Variants in C6 observed in about 807,000 individuals in gnomAD.
C6 encodes the protein complement component C6.
C6 carries 101 observed loss-of-function variants against 112.9 expected under a neutral mutation model. The observed-to-expected ratio is 0.89, with a 90% confidence interval of 0.76 to 1.06. The LOEUF is 1.06. C6 is among the 50% of genes least tolerant of loss of function. C6 has a pLI of 0.00. For missense variants in C6, 1,202 were observed against 1,104.6 expected (o/e 1.09, Z -1.25); for synonymous variants, 431 against 384.1 (o/e 1.12, Z -1.43).
chr5:41,218,762 G>C (rs1315027218), intron 1 of C6, among the ~76,000 whole-genome samples: 1 of 152,126 alleles, frequency 6.6e-6, no homozygotes, highest in Admixed American at 6.6e-5. Flanking sequence ...ACAGTGTGAA[G>C]CTTGCTTAAG....
chr5:41,210,695 C>G (rs938059053), intron 1 of C6, among the ~76,000 whole-genome samples: 3 of 152,172 alleles, frequency 2.0e-5, no homozygotes, highest in Non-Finnish European at 4.4e-5. Flanking sequence ...GAGATACCAT[C>G]TCACACCAGT....
chr5:41,203,380 T>A, intron 1 of C6, 130 bp from the exon 2 acceptor site: 1 of 829,796 alleles, frequency 1.2e-6, no homozygotes, highest in Non-Finnish European at 1.9e-6. Context: ...TTAAGGCAAG[T>A]CAACACCTAC....
intron 16 of C6, 132 bp from the exon 17 acceptor site, chr5:41,149,614 G>C: frequency 8.8e-7 from 1 of 1,135,900 alleles, no homozygotes; most frequent in East Asian, 2.4e-5. Flanking sequence ...TCCAAGCCCT[G>C]GGCTTGAGTG....
At chr5:41,155,136 T>TA in intron 13 of C6, 32 bp from the exon 14 acceptor site, 1 of 1,592,934 alleles carries the variant, frequency 6.3e-7, no homozygotes, top group African/African-American at 1.3e-5. Flanking sequence ...AAATTATTAA[T>TA]GCTATGAATA....
In C6 at chr5:41,152,985, T is replaced by C. The variant is rs570732151; in HGVS notation, c.2290+825A>G. On this transcript the variant is annotated intron_variant, in intron 15 of 17. Coordinates refer to ENST00000337836, the MANE Select transcript of C6 (RefSeq NM_000065.5). ...GGAGCAACAAATACTCCACAGTCTG[T>C]AAAGTGCTCAGGGCAAGAGGATCCT... is the stretch of plus-strand genomic sequence containing the variant. 8 of 152,296 alleles carry C rather than the reference T, an allele frequency of 5.3e-5. No individual in the cohort carries two copies. The South Asian group carries it at 1.5e-3, about 28-fold the overall frequency. The allele number at this position is 152,296 out of a possible 1,614,324, so 9.4% of individuals were successfully genotyped here.
intron 1 of C6, among the ~76,000 whole-genome samples, chr5:41,239,111 C>CTTTTTTTTTTTTTT (rs34322889): frequency 2.5e-5 from 3 of 121,674 alleles, no homozygotes; most frequent in Admixed American, 9.1e-5. Flanking sequence ...TCTTTTCTTT[C>CTTTTTTTTTTTTTT]TTTTTTTTTT....
At chr5:41,157,695 A>C (rs1267805426) in intron 13 of C6, among the ~76,000 whole-genome samples, 2 of 152,162 alleles carry the variant, frequency 1.3e-5, no homozygotes, top group Non-Finnish European at 2.9e-5. Context: ...ATGTATTAGC[A>C]ATGGATATTT....
At chr5:41,195,359 C>T (rs1171786990) in intron 5 of C6, among the ~76,000 whole-genome samples, 1 of 152,156 alleles carries the variant, frequency 6.6e-6, no homozygotes, top group Non-Finnish European at 1.5e-5. Context: ...TTTCAACCCA[C>T]CCATAGGCAT....
intron 1 of C6, among the ~76,000 whole-genome samples, chr5:41,210,111 T>G (rs112167136): frequency 1.3e-5 from 2 of 152,042 alleles, no homozygotes; most frequent in African/African-American, 4.8e-5. Context: ...AAACAAGCAA[T>G]GGGGAAAGGA....
intron 2 of C6, 83 bp downstream of exon 2, chr5:41,203,005 C>G: frequency 7.8e-7 from 1 of 1,277,434 alleles, no homozygotes; most frequent in South Asian, 1.2e-5. Context: ...GTTCCCATTG[C>G]TTAGTGTTGC....
At position 41,260,305 on chromosome 5, in the gene C6, C is replaced by T. The variant is rs74748597; in HGVS notation, c.-21+889G>A. Among the ~76,000 whole-genome samples the T allele has an allele frequency of 7.7e-4, 117 of 152,056 alleles. 4 individuals carry two copies. The East Asian group carries it at 0.021, about 27-fold the overall frequency. On this transcript the variant is annotated intron_variant, in intron 1 of 17. Coordinates refer to the C6 transcript ENST00000263413. ...ACACGCCAGCTTTGTGACTTAGTTA[C>T]ATAACTTTCTTCAGAAAAAGGACAT... is the stretch of plus-strand genomic sequence containing the variant.
At chr5:41,254,400 C>T (rs1741554077) in intron 1 of C6, among the ~76,000 whole-genome samples, 1 of 151,906 alleles carries the variant, frequency 6.6e-6, no homozygotes, top group African/African-American at 2.4e-5. Context: ...AGCAAGACTC[C>T]ATCTCAAAAA....
chr5:41,152,042 A>G (rs1369161261), intron 15 of C6, among the ~76,000 whole-genome samples: 1 of 152,016 alleles, frequency 6.6e-6, no homozygotes, highest in Non-Finnish European at 1.5e-5. Flanking sequence ...GGAAGGAAGA[A>G]GGTGGAGGAG....
At chr5:41,240,496 A>T (rs1740634721) in intron 1 of C6, among the ~76,000 whole-genome samples, 1 of 152,166 alleles carries the variant, frequency 6.6e-6, no homozygotes, top group South Asian at 2.1e-4. Flanking sequence ...TTGGGCTTTC[A>T]GGCAGCATTC....
At chr5:41,250,281 A>G (rs765068700) in intron 1 of C6, among the ~76,000 whole-genome samples, 1 of 152,180 alleles carries the variant, frequency 6.6e-6, no homozygotes, top group Non-Finnish European at 1.5e-5. Flanking sequence ...CGGAATTTGC[A>G]TATGTCACAT....
At chr5:41,196,088 C>T (rs78950633) in intron 4 of C6, among the ~76,000 whole-genome samples, 155 bp from the exon 5 acceptor site, 2,492 of 152,188 alleles carry the variant, frequency 0.016, 31 homozygotes, top group Admixed American at 0.025. Flanking sequence ...AAAAATGGAG[C>T]GATAAACTGA....
intron 9 of C6, among the ~76,000 whole-genome samples, chr5:41,169,676 G>T (rs1430514223): frequency 1.3e-5 from 2 of 152,036 alleles, no homozygotes; most frequent in African/African-American, 4.8e-5. Context: ...CGTCCTACAT[G>T]ACTGGAGTGG....
intron 1 of C6, among the ~76,000 whole-genome samples, chr5:41,239,543 A>G (rs1740564940): frequency 2.6e-5 from 4 of 152,066 alleles, no homozygotes; most frequent in Admixed American, 1.3e-4. Flanking sequence ...TCACCCTACT[A>G]TACTATCAAA....
chr5:41,221,028 G>A (rs1184111045), intron 1 of C6, among the ~76,000 whole-genome samples: 2 of 83,006 alleles, frequency 2.4e-5, no homozygotes, highest in Admixed American at 1.2e-4. Flanking sequence ...ATATATTTAT[G>A]TAGCTAAAAA....
Sources: allele counts gnomAD v4.1 joint callset (sites outside exome capture counted in the v4.1 genomes callset), GRCh38; gene constraint gnomAD v4.1.1; transcripts MANE v1.5; gene names NCBI Gene and HGNC (gene_info 2026-07-23, HGNC 2026-07-21).